Variants in CBL observed in about 807,000 individuals in gnomAD.
CBL encodes the protein E3 ubiquitin-protein ligase CBL.
CBL carries 45 observed loss-of-function variants against 96.9 expected under a neutral mutation model. That is an observed-to-expected ratio of 0.46 (90% CI 0.37 to 0.60). The LOEUF is 0.60. CBL is among the 20% of genes least tolerant of loss of function. The probability of loss-of-function intolerance (pLI) is 0.00; values close to 1 mark genes in which losing one functional copy is unlikely to be tolerated. For synonymous variants in CBL, 420 were observed against 426.8 expected, an observed-to-expected ratio of 0.98 and a Z score of 0.20; for missense variants, 1,024 against 1,143.5, an observed-to-expected ratio of 0.90 and a Z score of 1.51.
At position 119,278,527 on chromosome 11, in the gene CBL, C is replaced by A. The variant is rs751199195; in HGVS notation, c.1245C>A (p.Gly415=). Residue 415 remains glycine (G), a synonymous_variant, in exon 9 of 16, where the codon GGC becomes GGA. Transcript: ENST00000264033. ...TTCTGCAGGAATCAGAAGGTCAGGG[C>A]TGTCCTTTCTGCCGATGTGAAATTA... The part of the protein sequence containing the change: ...LTSWQESEGQ[G]CPFCRCEIKG... The A allele has an allele frequency of 1.9e-6, 3 of 1,614,098 alleles. No homozygotes were observed. The highest frequency in any genetic ancestry group is 2.5e-6 in the Non-Finnish European group (3 of 1,179,942).
At chr11:119,213,320 G>A (rs1463938802) in intron 1 of CBL, among the ~76,000 whole-genome samples, 1 of 152,068 alleles carries the variant, frequency 6.6e-6, no homozygotes, top group South Asian at 2.1e-4. Context: ...TTACCTTCCT[G>A]TGTTTGTGTA....
In CBL at chr11:119,285,590, C is replaced by CT. The variant is rs758850213; in HGVS notation, c.1941+25dup. On this transcript the variant is annotated intron_variant, in intron 11 of 15. Coordinates refer to ENST00000264033, the MANE Select transcript of CBL (RefSeq NM_005188.4). ...TGGTGAGTCTTAATTTTGAAACTAT[C>CT]TAACCTGTTAAGAAATATGTGTGGG... 7.0e-5 allele frequency: 113 copies of CT among 1,611,464 alleles called. 1 individual carries two copies. Among genetic ancestry groups the CT allele is most frequent in the Non-Finnish European group, 8.5e-6 (10 of 1,179,524 alleles).
At chr11:119,226,290 C>T (rs1949457967) in intron 1 of CBL, among the ~76,000 whole-genome samples, 1 of 152,106 alleles carries the variant, frequency 6.6e-6, no homozygotes, top group African/African-American at 2.4e-5. Context: ...GTAGGTAATT[C>T]TTGCCTCCCC....
chr11:119,253,785 T>A (rs1949689835), intron 2 of CBL, among the ~76,000 whole-genome samples: 1 of 150,806 alleles, frequency 6.6e-6, no homozygotes, highest in Non-Finnish European at 1.5e-5. Context: ...TGCAGTGAGC[T>A]GTGATCATGC....
chr11:119,228,766 C>A (rs752457767), intron 1 of CBL, among the ~76,000 whole-genome samples: 46 of 151,890 alleles, frequency 3.0e-4, no homozygotes, highest in Non-Finnish European at 3.2e-4. Context: ...CTGAGACTTA[C>A]ACCCACACCA....
intron 12 of CBL, among the ~76,000 whole-genome samples, chr11:119,291,479 G>A (rs1369709416): frequency 6.6e-6 from 1 of 152,224 alleles, no homozygotes; most frequent in Non-Finnish European, 1.5e-5. Context: ...GCCGAGGCAA[G>A]CGGATTGCCT....
intron 1 of CBL, among the ~76,000 whole-genome samples, chr11:119,224,495 C>G (rs1251600439): frequency 6.6e-6 from 1 of 152,128 alleles, no homozygotes; most frequent in East Asian, 1.9e-4. Flanking sequence ...TTACTGATAA[C>G]ATAAAACAGC....
Position 119,307,568 on chromosome 11 carries a change from C to T in CBL, c.*7787C>T. 4.3e-6 allele frequency: 1 copy of T among 232,392 alleles called. No individual in the cohort carries two copies. The highest frequency in any genetic ancestry group is 8.5e-6 in the Non-Finnish European group (1 of 117,296). The allele number at this position is 232,392 out of a possible 1,614,324, so 14.4% of individuals were successfully genotyped here. On this transcript the variant is annotated 3_prime_UTR_variant, in exon 16 of 16. Transcript: ENST00000264033. ...CAGCAAGGAACATGGGACCAGAAGC[C>T]TGTCCTCAGTAATGTGACTATAGTG...
intron 2 of CBL, among the ~76,000 whole-genome samples, chr11:119,267,448 C>T (rs977359448): frequency 2.6e-5 from 4 of 151,908 alleles, no homozygotes; most frequent in Non-Finnish European, 4.4e-5. Flanking sequence ...GGTAGATTTT[C>T]GGTAGAAAAT....
rs145419944 is a variant in CBL, at chr11:119,302,948, G to A, written c.*3167G>A. ...TCTTATACAGACCCTCATTACTGGG[G>A]CCCAAGATGTGGGATACTACTGTTA... On this transcript the variant is annotated 3_prime_UTR_variant, in exon 16 of 16. Transcript: ENST00000264033. 2,010 of 229,218 alleles carry A rather than the reference G, an allele frequency of 8.8e-3. 43 individuals are homozygous for A. The highest frequency in any genetic ancestry group is 0.041 in the African/African-American group (1,851 of 45,200). The allele number at this position is 229,218 out of a possible 1,614,324, so 14.2% of individuals were successfully genotyped here. A position where few individuals can be genotyped will look rare whatever the true frequency, so the allele number is the denominator to read the frequency against.
Position 119,234,753 on chromosome 11 carries a change from C to T in CBL, c.443+2058C>T, listed in dbSNP as rs967392334. ...ATTGAGACCAGCCTGGGCAACACAG[C>T]GAGAACTCTTCTTAAAATAAATGAA... is the stretch of plus-strand genomic sequence containing the variant. On this transcript the variant is annotated intron_variant, in intron 2 of 15. Transcript: ENST00000264033. Among the ~76,000 whole-genome samples the T allele has an allele frequency of 2.6e-5, 4 of 152,134 alleles. No individual in the cohort carries two copies. The South Asian group carries it at 6.2e-4, about 24-fold the overall frequency.
At chr11:119,282,938 C>CA (rs570948505) in intron 9 of CBL, among the ~76,000 whole-genome samples, 93 of 137,680 alleles carry the variant, frequency 6.8e-4, no homozygotes, top group African/African-American at 1.1e-3. Context: ...CCCCGCGCCC[C>CA]AAAAAAAAAA....
At chr11:119,216,289 G>A (rs912401001) in intron 1 of CBL, among the ~76,000 whole-genome samples, 1 of 152,210 alleles carries the variant, frequency 6.6e-6, no homozygotes, top group Non-Finnish European at 1.5e-5. Flanking sequence ...GCTTCATTGA[G>A]TGGAGATGGG....
intron 11 of CBL, among the ~76,000 whole-genome samples, chr11:119,286,516 A>G (rs1261103475): frequency 6.6e-6 from 1 of 152,168 alleles, no homozygotes; most frequent in Non-Finnish European, 1.5e-5. Context: ...CGGTTTTCAG[A>G]TTGATAACAG....
chr11:119,264,891 T>G (rs1043976434), intron 2 of CBL, among the ~76,000 whole-genome samples: 3 of 152,182 alleles, frequency 2.0e-5, no homozygotes, highest in African/African-American at 7.2e-5. Context: ...TTATTATTAT[T>G]TTTTTAAGAC....
chr11:119,224,661 G>A (rs915596434), intron 1 of CBL, among the ~76,000 whole-genome samples: 25 of 152,176 alleles, frequency 1.6e-4, no homozygotes, highest in African/African-American at 5.8e-4. Context: ...CGTGACCTTG[G>A]CTCACTGCAA....
At chr11:119,286,009 A>G (rs1949982205) in intron 11 of CBL, among the ~76,000 whole-genome samples, 1 of 151,460 alleles carries the variant, frequency 6.6e-6, no homozygotes, top group Non-Finnish European at 1.5e-5. Flanking sequence ...CCTACCCTCA[A>G]GAAATATGGC....
intron 1 of CBL, among the ~76,000 whole-genome samples, chr11:119,217,301 CG>C (rs369781959): frequency 2.4e-4 from 36 of 152,160 alleles, no homozygotes; most frequent in African/African-American, 6.7e-4. Context: ...TTTTAGTAGA[CG>C]GGGTTTCTCC....
At chr11:119,269,539 C>G (rs1949827606) in intron 2 of CBL, among the ~76,000 whole-genome samples, 1 of 151,972 alleles carries the variant, frequency 6.6e-6, no homozygotes, top group Admixed American at 6.6e-5. Context: ...TCGAACAAGT[C>G]ATGGATATAA....
Sources: gnomAD v4.1 joint callset for allele counts (sites outside exome capture counted in the v4.1 genomes callset) on GRCh38, gnomAD v4.1.1 for gene constraint, MANE v1.5 for transcripts, NCBI Gene and HGNC (gene_info 2026-07-23, HGNC 2026-07-21) for gene names.